The following ACACB variants were observed in gnomAD, a reference collection of about 807,000 sequenced individuals.
The protein encoded by ACACB is acetyl-CoA carboxylase beta, also known as acetyl-CoA carboxylase 2.
A neutral mutation model predicts 278.8 loss-of-function variants in ACACB; 209 were observed. The ratio of observed to expected loss-of-function variants is 0.75; its 90% CI spans 0.67 to 0.84. The LOEUF (loss-of-function observed/expected upper bound fraction) is 0.84, where lower values mean the gene tolerates loss of function less well. Ranked by LOEUF, ACACB falls within the 40% of genes least tolerant of loss-of-function variation. The pLI is 0.00. For missense variants in ACACB, 2,850 were observed against 3,269.0 expected (o/e 0.87, Z 3.13); for synonymous variants, 1,174 against 1,285.6 (o/e 0.91, Z 1.86).
chr12:109,210,170 TATATGTATATATACACAC>T (rs2045708673), intron 21 of ACACB, among the ~76,000 whole-genome samples: 2 of 52,724 alleles, frequency 3.8e-5, no homozygotes, highest in Non-Finnish European at 8.0e-5. Context: ...TGTATATGTA[TATATGTATATATACACAC>T]GTGTGTATAT....
intron 1 of ACACB, among the ~76,000 whole-genome samples, chr12:109,126,029 C>G (rs910452916): frequency 6.6e-6 from 1 of 152,262 alleles, no homozygotes; most frequent in African/African-American, 2.4e-5. Context: ...CTCCATGTCT[C>G]CAGCAGCGTG....
chr12:109,130,868 T>G (rs189240796), intron 1 of ACACB, among the ~76,000 whole-genome samples: 1 of 152,306 alleles, frequency 6.6e-6, no homozygotes, highest in Admixed American at 6.5e-5. Context: ...AGCTGGCCAT[T>G]CGTGCCCAGT....
Position 109,166,905 on chromosome 12 carries a change from A to T in ACACB, c.698A>T (p.His233Leu), listed in dbSNP as rs2043925840. The T allele has an allele frequency of 6.2e-7, 1 of 1,614,086 alleles. No homozygotes were observed. Among genetic ancestry groups the T allele is most frequent in the Non-Finnish European group, 8.5e-7 (1 of 1,180,014 alleles). Residue 233 changes from histidine (H) to leucine (L), a missense_variant, in exon 3 of 53, where the codon CAC becomes CTC. His to Leu is a moderately conservative substitution (Grantham distance 99). Transcript: ENST00000338432. ...CACCTGGTGAAGAGGGGACGGGAAC[A>T]CAAGAAGCTGGACCTGCACAGAGAC... ...GLHLVKRGRE[H>L]KKLDLHRDFT...
chr12:109,189,808 G>A (rs1332953277), intron 13 of ACACB, among the ~76,000 whole-genome samples: 1 of 152,152 alleles, frequency 6.6e-6, no homozygotes, highest in African/African-American at 2.4e-5. Flanking sequence ...ACAGGATGCT[G>A]CAAGACATGA....
intron 1 of ACACB, 84 bp from the exon 2 acceptor site, chr12:109,139,313 C>A: frequency 7.6e-7 from 1 of 1,318,616 alleles, no homozygotes; most frequent in Admixed American, 2.3e-5. Context: ...AGCACCCCAA[C>A]AGCCTCCTGC....
At chr12:109,152,714 G>A (rs551731870) in intron 2 of ACACB, among the ~76,000 whole-genome samples, 1 of 131,716 alleles carries the variant, frequency 7.6e-6, no homozygotes, top group African/African-American at 2.8e-5. Flanking sequence ...GCGAGATCAT[G>A]GCTCACTGCA....
chr12:109,167,958 C>T lies in ACACB; in HGVS notation c.849C>T (p.Ala283=). Residue 283 remains alanine, a synonymous_variant, in exon 4 of 53, where the codon GCC becomes GCT. Transcript: ENST00000338432. ...GCATGCGCTCCATCCGCAGGTGGGCCTATGAGATGTTCCGCAACGAGCGGG... is the reference window on the plus strand; with the variant it reads ...GCATGCGCTCCATCCGCAGGTGGGCTTATGAGATGTTCCGCAACGAGCGGG... The part of the protein sequence containing the change: ...VKCMRSIRRW[A]YEMFRNERAI... 6.2e-7 allele frequency: 1 copy of T among 1,613,956 alleles called. No homozygotes were observed.
At chr12:109,222,757 G>A (rs778927746) in intron 25 of ACACB, 42 bp from the exon 26 acceptor site, 1 of 1,580,066 alleles carries the variant, frequency 6.3e-7, no homozygotes, top group Admixed American at 1.7e-5. Context: ...TTCTGCCCTG[G>A]GAGGTTGGCT....
chr12:109,172,332 T>G lies in ACACB; in HGVS notation c.1093T>G (p.Cys365Gly), dbSNP rs747346637. 2 of 1,614,178 alleles carry G rather than the reference T, an allele frequency of 1.2e-6. No individual in the cohort carries two copies. Among genetic ancestry groups the G allele is most frequent in the Non-Finnish European group, 1.7e-6 (2 of 1,180,034 alleles). ...SENPKLPELL[C>G]KNGVAFLGPP... is the part of the protein sequence containing the mutation. ...AAACCCTAAACTTCCGGAGCTGCTG[T>G]GCAAGAATGGAGTTGCTTTCTTAGG... Residue 365 changes from cysteine (C) to glycine (G), a missense_variant, in exon 6 of 53, where the codon TGC (cysteine) becomes GGC (glycine). Physicochemically the swap from Cys to Gly is radical, Grantham distance 159. Around this residue, in one of 3 missense-constraint regions of ACACB, gnomAD observed 2,265 missense variants for 2,561.3 expected, o/e 0.88. Coordinates refer to ENST00000338432, the MANE Select transcript of ACACB (RefSeq NM_001093.4).
intron 18 of ACACB, among the ~76,000 whole-genome samples, chr12:109,200,010 C>T (rs548959825): frequency 7.3e-4 from 100 of 136,980 alleles, no homozygotes; most frequent in African/African-American, 2.7e-3. Flanking sequence ...CCAGCCTGAG[C>T]GACAGAGAAA....
chr12:109,200,192 A>AT (rs1199858488), intron 18 of ACACB, among the ~76,000 whole-genome samples: 119 of 148,982 alleles, frequency 8.0e-4, no homozygotes, highest in Middle Eastern at 3.5e-3. Context: ...TGATTTCTTT[A>AT]TTTTTTTTTT....
chr12:109,175,468 T>A (rs1209706810), intron 7 of ACACB, among the ~76,000 whole-genome samples: 1 of 152,200 alleles, frequency 6.6e-6, no homozygotes, highest in African/African-American at 2.4e-5. Flanking sequence ...CAGGCCAAAC[T>A]GTAGTGGCAT....
Position 109,237,350 on chromosome 12 carries a change from C to T in ACACB, c.4632C>T (p.Ala1544=). 6.2e-7 allele frequency: 1 copy of T among 1,614,176 alleles called. No homozygotes were observed. The highest frequency in any genetic ancestry group is 1.3e-5 in the African/African-American group (1 of 75,042). Residue 1544 remains alanine, a synonymous_variant, in exon 34 of 53, where the codon GCC becomes GCT. Transcript: ENST00000338432. The part of the protein sequence containing the change: ...EVTDHRFFIR[A]IIRHSDLITK... ...CGGACCATAGGTTCTTCATCCGCGC[C>T]ATCATCAGGCACTCTGACCTGATCA...
chr12:109,249,747 C>T (rs2047044662), intron 40 of ACACB: 2 of 351,432 alleles, frequency 5.7e-6, no homozygotes, highest in Non-Finnish European at 1.0e-5. Flanking sequence ...CCGCCTCGTC[C>T]TCCCAAACTG....
chr12:109,133,864 T>TATATATATATATATATATA (rs1555202940), intron 1 of ACACB, among the ~76,000 whole-genome samples: 1 of 24,234 alleles, frequency 4.1e-5, no homozygotes, highest in African/African-American at 2.1e-4. Flanking sequence ...TATATATATA[T>TATATATATATATATATATA]TTTTTTTTTT....
At chr12:109,212,161 C>T (rs930399948) in intron 21 of ACACB, among the ~76,000 whole-genome samples, 6 of 152,058 alleles carry the variant, frequency 3.9e-5, no homozygotes, top group Admixed American at 2.6e-4. Flanking sequence ...TTCAGGGTAG[C>T]TGGAAGGCTT....
chr12:109,201,722 A>C (rs765095070), intron 19 of ACACB, 21 bp downstream of exon 19: 3 of 1,612,496 alleles, frequency 1.9e-6, no homozygotes, highest in East Asian at 2.2e-5. Context: ...CCACGGCCCA[A>C]GTGCTCTGGC....
intron 49 of ACACB, 106 bp downstream of exon 49, chr12:109,262,575 A>C: frequency 6.3e-6 from 4 of 635,186 alleles, no homozygotes; most frequent in East Asian, 2.8e-5. Flanking sequence ...AAATACCAAA[A>C]TACAGCTATA....
At chr12:109,207,970 G>A (rs1003302754) in intron 20 of ACACB, among the ~76,000 whole-genome samples, 3 of 152,070 alleles carry the variant, frequency 2.0e-5, no homozygotes, top group Admixed American at 6.5e-5. Flanking sequence ...GTGAGCCACC[G>A]TGCCCGCTGT....
Sources: allele counts gnomAD v4.1 joint callset (sites outside exome capture counted in the v4.1 genomes callset), GRCh38; gene constraint gnomAD v4.1.1; regional missense constraint gnomAD v4.1.1; transcripts MANE v1.5; gene names NCBI Gene and HGNC (gene_info 2026-07-23, HGNC 2026-07-21).